The following PPP1R12A variants were observed in gnomAD, a reference collection of about 807,000 sequenced individuals.
The protein encoded by PPP1R12A is myosin binding subunit.
A neutral mutation model predicts 139.6 loss-of-function variants in PPP1R12A; 19 were observed. The ratio of observed to expected loss-of-function variants is 0.14; its 90% CI spans 0.09 to 0.20. PPP1R12A has a LOEUF of 0.20. Ranked by LOEUF, PPP1R12A falls within the 10% of genes least tolerant of loss-of-function variation. The pLI is 1.00. For synonymous variants in PPP1R12A, 427 were observed against 420.6 expected (o/e 1.02, Z -0.19); for missense variants, 925 against 1,211.5 (o/e 0.76, Z 3.51).
intron 15 of PPP1R12A, 77 bp downstream of exon 15, chr12:79,798,417 T>C (rs978027113): frequency 1.1e-6 from 1 of 893,562 alleles, no homozygotes; most frequent in African/African-American, 1.7e-5. Context: ...AAAGGTAACT[T>C]GTTTTATGTC....
chr12:79,852,313 C>T (rs1592715573), intron 2 of PPP1R12A, among the ~76,000 whole-genome samples: 1 of 151,822 alleles, frequency 6.6e-6, no homozygotes, highest in East Asian at 1.9e-4. Context: ...ACCTAAGCCT[C>T]CCGAGTAGCT....
At chr12:79,828,727 C>A (rs1168817693) in intron 4 of PPP1R12A, among the ~76,000 whole-genome samples, 1 of 152,002 alleles carries the variant, frequency 6.6e-6, no homozygotes, top group Non-Finnish European at 1.5e-5. Context: ...TTTGGTGTGA[C>A]ACTGATTAAT....
intron 1 of PPP1R12A, among the ~76,000 whole-genome samples, chr12:79,906,362 A>G (rs1886112554): frequency 6.6e-6 from 1 of 152,156 alleles, no homozygotes; most frequent in African/African-American, 2.4e-5. Flanking sequence ...AATACACACA[A>G]ACACATAAAA....
chr12:79,777,780 G>T (rs2136960395), intron 24 of PPP1R12A: 3 of 388,348 alleles, frequency 7.7e-6, no homozygotes, highest in South Asian at 1.1e-4. Flanking sequence ...ATTCAGAAAG[G>T]TAAACACTGT....
chr12:79,935,189 A>G (rs748583305), upstream of PPP1R12A: 2 of 1,311,380 alleles, frequency 1.5e-6, no homozygotes, highest in Admixed American at 4.0e-5. Context: ...GGCCAATCTA[A>G]CGTAACTTCG....
At chr12:79,869,246 A>G (rs1565788266) in intron 2 of PPP1R12A, among the ~76,000 whole-genome samples, 1 of 152,200 alleles carries the variant, frequency 6.6e-6, no homozygotes, top group Non-Finnish European at 1.5e-5. Context: ...CTACAGACCA[A>G]ATGTAAAATT....
At chr12:79,837,430 T>C (rs955734853) in intron 3 of PPP1R12A, among the ~76,000 whole-genome samples, 3 of 152,202 alleles carry the variant, frequency 2.0e-5, no homozygotes, top group African/African-American at 2.4e-5. Flanking sequence ...TAACTAGTTA[T>C]TGATCAAATG....
At chr12:79,918,884 G>C (rs142909327) in intron 1 of PPP1R12A, among the ~76,000 whole-genome samples, 245 of 152,324 alleles carry the variant, frequency 1.6e-3, no homozygotes, top group African/African-American at 5.6e-3. Context: ...GGGAGGCCAA[G>C]GCGGGCAGAT....
intron 3 of PPP1R12A, among the ~76,000 whole-genome samples, chr12:79,843,996 G>A (rs1366352271): frequency 6.6e-6 from 1 of 152,052 alleles, no homozygotes; most frequent in Non-Finnish European, 1.5e-5. Flanking sequence ...AGCCACTGCT[G>A]CCAAGCTGGA....
At chr12:79,864,905 A>G (rs992187741) in intron 2 of PPP1R12A, among the ~76,000 whole-genome samples, 7 of 152,228 alleles carry the variant, frequency 4.6e-5, no homozygotes, top group Non-Finnish European at 1.0e-4. Flanking sequence ...AAGAGCTGGT[A>G]CCATTCCTTC....
chr12:79,891,972 C>T (rs950238792), intron 1 of PPP1R12A, among the ~76,000 whole-genome samples: 11 of 152,198 alleles, frequency 7.2e-5, no homozygotes, highest in African/African-American at 2.7e-4. Context: ...CAGAAGCACC[C>T]AGCTAAGTCA....
chr12:79,914,681 A>T (rs1886850197), intron 1 of PPP1R12A, among the ~76,000 whole-genome samples: 1 of 152,134 alleles, frequency 6.6e-6, no homozygotes, highest in South Asian at 2.1e-4. Context: ...ACCATTGATG[A>T]CCTTGTATGA....
chr12:79,928,628 C>T (rs1007534183), intron 1 of PPP1R12A, among the ~76,000 whole-genome samples: 1 of 152,166 alleles, frequency 6.6e-6, no homozygotes, highest in African/African-American at 2.4e-5. Context: ...CCAGTAGGTT[C>T]TTCCAAGATC....
At chr12:79,922,201 C>A (rs2136948466) in intron 1 of PPP1R12A, among the ~76,000 whole-genome samples, 1 of 152,242 alleles carries the variant, frequency 6.6e-6, no homozygotes, top group Admixed American at 6.5e-5. Context: ...GTCGAAGCTG[C>A]AGTGAGCTGT....
intron 5 of PPP1R12A, among the ~76,000 whole-genome samples, chr12:79,822,663 A>G (rs1040031219): frequency 3.3e-5 from 5 of 152,182 alleles, no homozygotes; most frequent in African/African-American, 1.2e-4. Flanking sequence ...CATAGAATAT[A>G]TGGTTCTTTG....
intron 1 of PPP1R12A, among the ~76,000 whole-genome samples, chr12:79,890,162 C>T (rs1884457452): frequency 2.6e-5 from 4 of 152,068 alleles, no homozygotes; most frequent in African/African-American, 9.7e-5. Flanking sequence ...TTTGAGGCTA[C>T]TTAATAACAT....
At chr12:79,793,951 T>A in intron 18 of PPP1R12A, 23 bp from the exon 19 acceptor site, 1 of 1,525,822 alleles carries the variant, frequency 6.6e-7, no homozygotes, top group Non-Finnish European at 8.8e-7. Flanking sequence ...TGCCAATTTA[T>A]ATTTTAGGAA....
chr12:79,851,649 T>C (rs1221943047), intron 2 of PPP1R12A, among the ~76,000 whole-genome samples: 1 of 152,242 alleles, frequency 6.6e-6, no homozygotes, highest in Non-Finnish European at 1.5e-5. Context: ...GCTAGGTTTC[T>C]TAAATCTGTA....
At chr12:79,820,712 A>T (rs1592666773) in intron 8 of PPP1R12A, 62 bp downstream of exon 8, 1 of 1,563,978 alleles carries the variant, frequency 6.4e-7, no homozygotes. Context: ...ATTACGTCTC[A>T]TCTTGTCTTA....
Sources: gnomAD v4.1 joint callset for allele counts (sites outside exome capture counted in the v4.1 genomes callset) on GRCh38, gnomAD v4.1.1 for gene constraint, MANE v1.5 for transcripts, NCBI Gene and HGNC (gene_info 2026-07-23, HGNC 2026-07-21) for gene names.